Variants in MROH2B observed in about 807,000 individuals in gnomAD.
MROH2B encodes the protein maestro heat like repeat family member 2B.
MROH2B carries 177 observed loss-of-function variants against 208.6 expected under a neutral mutation model. The ratio of observed to expected loss-of-function variants is 0.85; its 90% CI spans 0.75 to 0.96. The LOEUF is 0.96. MROH2B is among the 40% of genes least tolerant of loss of function. MROH2B has a pLI of 0.00. For missense variants in MROH2B, 2,002 were observed against 1,878.7 expected (o/e 1.07, Z -1.21); for synonymous variants, 728 against 659.0 (o/e 1.10, Z -1.60).
At chr5:41,024,197 A>G (rs1302904821) in intron 24 of MROH2B, among the ~76,000 whole-genome samples, 4 of 152,218 alleles carry the variant, frequency 2.6e-5, no homozygotes, top group Admixed American at 2.0e-4. Context: ...TTAACCTTAA[A>G]TGTAAATGGG....
intron 40 of MROH2B, among the ~76,000 whole-genome samples, 176 bp from the exon 41 acceptor site, chr5:40,998,853 C>T (rs1422083421): frequency 2.6e-5 from 4 of 152,144 alleles, no homozygotes; most frequent in Admixed American, 2.6e-4. Context: ...TCTATTGGGT[C>T]CCGAGTGCCA....
intron 31 of MROH2B, 126 bp from the exon 32 acceptor site, chr5:41,009,532 C>G (rs571614717): frequency 4.1e-6 from 5 of 1,225,840 alleles, no homozygotes; most frequent in Non-Finnish European, 4.5e-6. Flanking sequence ...GGACATGCTG[C>G]CATGCCTGGG....
intron 13 of MROH2B, among the ~76,000 whole-genome samples, chr5:41,049,751 T>G (rs1159036920): frequency 6.6e-6 from 1 of 152,196 alleles, no homozygotes; most frequent in African/African-American, 2.4e-5. Flanking sequence ...ACTTACCAAG[T>G]GCCAGTATTC....
intron 24 of MROH2B, among the ~76,000 whole-genome samples, chr5:41,028,679 T>A (rs771053031): frequency 6.6e-6 from 1 of 152,220 alleles, no homozygotes; most frequent in African/African-American, 2.4e-5. Context: ...ATTGTGGGTA[T>A]AAATATCACA....
Position 40,998,621 on chromosome 5 carries a change from G to T in MROH2B, c.4642C>A (p.Leu1548Met), listed in dbSNP as rs1741285472. The T allele has an allele frequency of 6.3e-7, 1 of 1,595,792 alleles. No homozygotes were observed. Among genetic ancestry groups the T allele is most frequent in the African/African-American group, 1.3e-5 (1 of 74,682 alleles). ...CTAGGTTGGTACTCACGTGTGGTCA[G>T]TTGTTCTCTGTCTAGTAACTCCACA... ...QYVELLDREQ[L>M]TTRLQALRQD... Residue 1548 changes from leucine (L) to methionine (M), a missense_variant, in exon 41 of 42, where the codon CTG becomes ATG. By Grantham distance (15) the Leu-to-Met change is conservative. Coordinates refer to ENST00000399564, the MANE Select transcript of MROH2B (RefSeq NM_173489.5).
chr5:41,039,368 T>C (rs542010640), intron 20 of MROH2B, 80 bp downstream of exon 20: 43 of 808,094 alleles, frequency 5.3e-5, no homozygotes, highest in Non-Finnish European at 7.7e-5. Flanking sequence ...AAGTATAATA[T>C]AAGAAAGGAT....
At position 41,051,101 on chromosome 5, in the gene MROH2B, G is replaced by T. The variant is rs1199928345; in HGVS notation, c.1231-11C>A. On this transcript the variant is annotated splice_polypyrimidine_tract_variant and intron_variant, in intron 12 of 41. Coordinates refer to ENST00000399564, the MANE Select transcript of MROH2B (RefSeq NM_173489.5). The stretch of plus-strand genomic sequence containing the variant: ...TTTCACTGGTTTCTCCTTTAAGAAA[G>T]ATCAAACAGGTGACTTGTTAATGAC... 2.0e-6 allele frequency: 3 copies of T among 1,507,928 alleles called. No individual in the cohort carries two copies. Among genetic ancestry groups the T allele is most frequent in the Non-Finnish European group, 2.6e-6 (3 of 1,132,956 alleles). The allele number at this position is 1,507,928 out of a possible 1,614,324, so 93.4% of individuals were successfully genotyped here.
chr5:41,052,701 G>T, intron 11 of MROH2B, 114 bp from the exon 12 acceptor site: 2 of 1,017,456 alleles, frequency 2.0e-6, no homozygotes, highest in South Asian at 2.3e-5. Flanking sequence ...TTTGAAAAAG[G>T]AACATAAATT....
At chr5:41,025,139 G>A (rs1191359795) in intron 24 of MROH2B, among the ~76,000 whole-genome samples, 1 of 152,058 alleles carries the variant, frequency 6.6e-6, no homozygotes, top group Non-Finnish European at 1.5e-5. Context: ...AGAAGCAAGA[G>A]CAAACACATT....
At position 41,018,898 on chromosome 5, in the gene MROH2B, G is replaced by C. The variant is rs752363414; in HGVS notation, c.2562C>G (p.Asp854Glu). 28 of 1,613,772 alleles carry C rather than the reference G, an allele frequency of 1.7e-5. No individual in the cohort carries two copies. The highest frequency in any genetic ancestry group is 5.3e-5 in the African/African-American group (4 of 74,914). ...TAGTGCATACTTGAATGTGCTCCTT[G>C]TCCTTGTCTGTCTGGCCTTCACTTT... ...NLKSEGQTDKDKEHIQFLYER... is the reference protein window; with the variant it reads ...NLKSEGQTDKEKEHIQFLYER... Residue 854 changes from aspartate (D) to glutamate (E), a missense_variant, in exon 25 of 42, where the codon GAC (aspartate) becomes GAG (glutamate). Coordinates refer to ENST00000399564, the MANE Select transcript of MROH2B (RefSeq NM_173489.5).
intron 2 of MROH2B, among the ~76,000 whole-genome samples, chr5:41,069,376 C>A (rs761841644): frequency 6.6e-6 from 1 of 152,090 alleles, no homozygotes; most frequent in Non-Finnish European, 1.5e-5. Flanking sequence ...TAACAACCCT[C>A]AAATTATAAA....
rs766721544 is a variant in MROH2B at position 41,004,412 on chromosome 5, C to T, written c.4128G>A (p.Leu1376=). The T allele has an allele frequency of 1.2e-6, 2 of 1,614,018 alleles. No individual in the cohort carries two copies. The highest frequency in any genetic ancestry group is 1.7e-6 in the Non-Finnish European group (2 of 1,179,872). Reference sequence around the variant, plus strand: ...AGTAGAAGCTCACGTCTCGGTCTGTCAGCAGCTCCAGGATTTTTTTTAGAG... The same window carrying T: ...AGTAGAAGCTCACGTCTCGGTCTGTTAGCAGCTCCAGGATTTTTTTTAGAG... ...LKALKKILEL[L]TDRDVSFYFK... Residue 1376 remains leucine (L), a synonymous_variant, in exon 37 of 42, where the codon CTG becomes CTA. Coordinates refer to ENST00000399564, the MANE Select transcript of MROH2B (RefSeq NM_173489.5).
chr5:41,032,911 C>T, intron 23 of MROH2B, 90 bp from the exon 24 acceptor site: 2 of 1,545,118 alleles, frequency 1.3e-6, no homozygotes, highest in Non-Finnish European at 1.8e-6. Flanking sequence ...ATTGGGTGCC[C>T]TGGGTCATAA....
intron 18 of MROH2B, among the ~76,000 whole-genome samples, chr5:41,044,046 T>A (rs560505464): frequency 2.0e-5 from 3 of 148,392 alleles, no homozygotes; most frequent in African/African-American, 7.5e-5. Flanking sequence ...GAGACCATCC[T>A]GGCTAACATG....
chr5:41,042,158 T>C lies in MROH2B; in HGVS notation c.1887A>G (p.Ser629=). 1 of 1,595,764 alleles carries C rather than the reference T, an allele frequency of 6.3e-7. No individual in the cohort carries two copies. The highest frequency in any genetic ancestry group is 8.5e-7 in the Non-Finnish European group (1 of 1,170,336). Residue 629 remains serine, a synonymous_variant, in exon 19 of 42, where the codon TCA becomes TCG. Transcript: ENST00000399564. ...CCTTAATCTGTGAGTTTACAAAGTC[T>C]GAATCTTGGCAGCATGCTAAGGTGG... ...LGTTLACCQD[S]DFVNSQIKEF...
At chr5:41,005,286 T>G (rs746984950) in intron 35 of MROH2B, 6 of 539,952 alleles carry the variant, frequency 1.1e-5, no homozygotes, top group Non-Finnish European at 2.0e-5. Flanking sequence ...CCTCACAGAT[T>G]TATTGTCCCC....
intron 32 of MROH2B, 100 bp downstream of exon 32, chr5:41,009,180 G>A (rs10061334): frequency 0.35 from 515,600 of 1,461,582 alleles, 92,387 homozygotes; most frequent in South Asian, 0.45. Flanking sequence ...GAGAGAAGAA[G>A]GAGGTGTCAT....
chr5:41,054,888 A>C, intron 10 of MROH2B, 48 bp from the exon 11 acceptor site: 1 of 1,327,292 alleles, frequency 7.5e-7, no homozygotes, highest in Non-Finnish European at 1.1e-6. Flanking sequence ...ATAGAAGTAC[A>C]GTATGTTCTA....
rs535924224 is a variant in MROH2B at position 41,007,587 on chromosome 5, G to T, written c.3609-133C>A. ...GGGGATGTTGTGTAAGGGAAAAACA[G>T]GCAGCCCTATGCTCACATTTTAGCC... On this transcript the variant is annotated intron_variant, in intron 33 of 41. Coordinates refer to ENST00000399564, the MANE Select transcript of MROH2B (RefSeq NM_173489.5). 268 of 841,602 alleles carry T rather than the reference G, an allele frequency of 3.2e-4. 1 individual carries two copies. The highest frequency in any genetic ancestry group is 2.8e-3 in the South Asian group (77 of 27,148). The allele number at this position is 841,602 out of a possible 1,614,324, so 52.1% of individuals were successfully genotyped here. A position where few individuals can be genotyped will look rare whatever the true frequency, so the allele number is the denominator to read the frequency against.
Sources: allele counts gnomAD v4.1 joint callset (sites outside exome capture counted in the v4.1 genomes callset), GRCh38; gene constraint gnomAD v4.1.1; transcripts MANE v1.5; gene names NCBI Gene and HGNC (gene_info 2026-07-23, HGNC 2026-07-21).